Variants in PCDHA7 observed in about 807,000 individuals in gnomAD.
PCDHA7 encodes protocadherin alpha-7.
Under a neutral mutation model 57.2 loss-of-function variants are expected in PCDHA7, and 37 were observed. The observed-to-expected ratio is 0.65, with a 90% confidence interval of 0.50 to 0.85. The LOEUF (loss-of-function observed/expected upper bound fraction) is 0.85, where lower values mean the gene tolerates loss of function less well. Ranked by LOEUF, PCDHA7 falls within the 40% of genes least tolerant of loss-of-function variation. The pLI is 0.00. For missense variants in PCDHA7, 1,188 were observed against 1,241.8 expected (o/e 0.96, Z 0.65); for synonymous variants, 553 against 558.8 (o/e 0.99, Z 0.15).
At chr5:140,850,206 A>T in intron 1 of PCDHA7, 1 of 1,592,626 alleles carries the variant, frequency 6.3e-7, no homozygotes, top group South Asian at 1.1e-5. Flanking sequence ...ACCTCGGATG[A>T]GGGGCACTGA....
At chr5:140,942,679 G>T (rs549826522) in intron 1 of PCDHA7, among the ~76,000 whole-genome samples, 8 of 151,904 alleles carry the variant, frequency 5.3e-5, no homozygotes, top group Non-Finnish European at 8.8e-5. Flanking sequence ...AAAGTTTTAG[G>T]AATAACTTTA....
intron 1 of PCDHA7, among the ~76,000 whole-genome samples, chr5:140,937,290 G>C (rs890693007): frequency 3.3e-5 from 5 of 152,076 alleles, no homozygotes; most frequent in Non-Finnish European, 7.4e-5. Flanking sequence ...ACCCGCTTCG[G>C]CCTCCCAAAG....
chr5:140,871,011 G>C, intron 1 of PCDHA7: 1 of 1,613,324 alleles, frequency 6.2e-7, no homozygotes, highest in Non-Finnish European at 8.5e-7. Context: ...CGCGTGCCCT[G>C]GACGAGGCAG....
chr5:140,856,202 G>A lies in PCDHA7; in HGVS notation c.2355+19464G>A, dbSNP rs150172685. On this transcript the variant is annotated intron_variant, in intron 1 of 3. Coordinates refer to ENST00000525929, the MANE Select transcript of PCDHA7 (RefSeq NM_018910.3). The stretch of plus-strand genomic sequence containing the variant: ...CGTGGGCCGCATCGCGCAGGACCTG[G>A]GGCTGGAGCTGGCGGAGCTGGTGCA... 2,025 of 1,598,130 alleles carry A rather than the reference G, an allele frequency of 1.3e-3. 175 individuals carry two copies. Among genetic ancestry groups the A allele is most frequent in the Non-Finnish European group, 1.6e-3 (1,906 of 1,167,884 alleles).
intron 1 of PCDHA7, chr5:140,848,977 A>T (rs2150427682): frequency 1.2e-6 from 2 of 1,600,464 alleles, no homozygotes; most frequent in South Asian, 1.1e-5. Flanking sequence ...TCCGATGCAG[A>T]TATCGGGGAG....
intron 1 of PCDHA7, among the ~76,000 whole-genome samples, chr5:140,936,994 TA>T (rs1472246875): frequency 6.6e-6 from 1 of 152,140 alleles, no homozygotes; most frequent in Non-Finnish European, 1.5e-5. Context: ...ACATTGACAA[TA>T]TTGAGACAGA....
At chr5:140,850,216 A>G (rs1390676090) in intron 1 of PCDHA7, 5 of 1,593,446 alleles carry the variant, frequency 3.1e-6, no homozygotes, top group Non-Finnish European at 4.3e-6. Flanking sequence ...AGGGGCACTG[A>G]CGGCGCAGTG....
intron 1 of PCDHA7, among the ~76,000 whole-genome samples, chr5:140,899,424 T>A (rs1437811361): frequency 6.6e-6 from 1 of 152,206 alleles, no homozygotes; most frequent in African/African-American, 2.4e-5. Flanking sequence ...TTGTCAAAGG[T>A]CTTTTCTGCA....
rs371515299 is a variant in PCDHA7, at chr5:140,870,550, G to T, written c.2355+33812G>T. 1.5e-5 allele frequency: 24 copies of T among 1,613,948 alleles called. No individual in the cohort carries two copies. The highest frequency in any genetic ancestry group is 1.6e-4 in the Middle Eastern group (1 of 6,080). ...CACAGTGTCGGCGCGGGACGCGGAC[G>T]CGCAGGAGAACGCGCTGGTGTCCTA... On this transcript the variant is annotated intron_variant, in intron 1 of 3. Transcript: ENST00000525929.
chr5:140,869,652 A>C (rs2051311295), intron 1 of PCDHA7: 4 of 1,613,458 alleles, frequency 2.5e-6, no homozygotes, highest in South Asian at 2.2e-5. Context: ...TAGATTCACC[A>C]ACAAATGGTA....
At position 140,876,152 on chromosome 5, in the gene PCDHA7, A is replaced by G; in HGVS notation, c.2355+39414A>G. ...AAACCAGAACTAACAGGGTCTGTCC[A>G]GATTCAAATAACCGTCCTGGATGTG... is the stretch of plus-strand genomic sequence containing the variant. On this transcript the variant is annotated intron_variant, in intron 1 of 3. Transcript: ENST00000525929. 1 of 1,613,982 alleles carries G rather than the reference A, an allele frequency of 6.2e-7. No individual in the cohort carries two copies. The highest frequency in any genetic ancestry group is 1.3e-5 in the African/African-American group (1 of 75,068).
At chr5:140,925,643 T>TAATAATAATAAG (rs1195362666) in intron 1 of PCDHA7, among the ~76,000 whole-genome samples, 1 of 99,548 alleles carries the variant, frequency 1.0e-5, no homozygotes, top group Non-Finnish European at 2.0e-5. Context: ...ACTTAAAGTA[T>TAATAATAATAAG]AATAATAATA....
chr5:140,882,270 T>C lies in PCDHA7; in HGVS notation c.2355+45532T>C, dbSNP rs782125538. ...GCTCTGAGGTTTTTGGAGTGTACCA[T>C]GCTGTCTTCCTGGCAAGGAGGCCCA... On this transcript the variant is annotated intron_variant, in intron 1 of 3. Coordinates refer to ENST00000525929, the MANE Select transcript of PCDHA7 (RefSeq NM_018910.3). 35 of 1,611,468 alleles carry C rather than the reference T, an allele frequency of 2.2e-5. 1 individual carries two copies. The South Asian group carries it at 3.9e-4, about 18-fold the overall frequency.
intron 1 of PCDHA7, chr5:140,852,877 T>G: frequency 1.1e-6 from 1 of 942,140 alleles, no homozygotes; most frequent in Non-Finnish European, 1.3e-6. Flanking sequence ...TCAATAATCA[T>G]AAAACGTATT....
At chr5:140,856,537 G>C (rs782543512) in intron 1 of PCDHA7, 2 of 1,598,372 alleles carry the variant, frequency 1.3e-6, no homozygotes, top group East Asian at 4.5e-5. Context: ...ATGTTGGAGA[G>C]AACGCATTGC....
At chr5:140,997,792 T>C (rs1279010273) in intron 3 of PCDHA7, among the ~76,000 whole-genome samples, 1 of 152,160 alleles carries the variant, frequency 6.6e-6, no homozygotes, top group African/African-American at 2.4e-5. Context: ...TATATTATAA[T>C]TTATCCAATT....
chr5:140,964,139 A>G (rs1396740282), intron 1 of PCDHA7, among the ~76,000 whole-genome samples: 1 of 152,242 alleles, frequency 6.6e-6, no homozygotes, highest in Non-Finnish European at 1.5e-5. Flanking sequence ...TAAGGTTGGC[A>G]GGAGCCTCAG....
intron 1 of PCDHA7, among the ~76,000 whole-genome samples, chr5:140,932,733 C>A (rs2088585680): frequency 1.3e-5 from 2 of 151,034 alleles, no homozygotes; most frequent in Admixed American, 6.6e-5. Context: ...TAATATAGAC[C>A]CTCAAATCAG....
intron 1 of PCDHA7, chr5:140,927,514 G>T: frequency 6.2e-7 from 1 of 1,614,056 alleles, no homozygotes; most frequent in Non-Finnish European, 8.5e-7. Flanking sequence ...AGCTCGGGAC[G>T]GCGGGCTACC....
Sources: gnomAD v4.1 joint callset for allele counts (sites outside exome capture counted in the v4.1 genomes callset) on GRCh38, gnomAD v4.1.1 for gene constraint, MANE v1.5 for transcripts, NCBI Gene and HGNC (gene_info 2026-07-23, HGNC 2026-07-21) for gene names.